Variants in PAK1 observed in about 807,000 individuals in gnomAD.
PAK1 encodes p21 (RAC1) activated kinase 1.
Under a neutral mutation model 67.4 loss-of-function variants are expected in PAK1, and 29 were observed. That is an observed-to-expected ratio of 0.43 (90% CI 0.32 to 0.59). PAK1 has a LOEUF of 0.59. PAK1 is among the 20% of genes least tolerant of loss of function. PAK1 has a pLI of 0.07. For missense variants in PAK1, 337 were observed against 670.7 expected (o/e 0.50, Z 5.50); for synonymous variants, 223 against 237.4 (o/e 0.94, Z 0.56).
chr11:77,401,103 C>G (rs549264412), intron 1 of PAK1, among the ~76,000 whole-genome samples: 1 of 152,308 alleles, frequency 6.6e-6, no homozygotes, highest in East Asian at 1.9e-4. Flanking sequence ...ACTAATCACA[C>G]TTTTTAGTCC....
intron 1 of PAK1, among the ~76,000 whole-genome samples, chr11:77,457,993 G>C: frequency 6.6e-6 from 1 of 152,124 alleles, no homozygotes; most frequent in Non-Finnish European, 1.5e-5. Flanking sequence ...ACCAGACTCT[G>C]AGGTAGCCAT....
chr11:77,401,932 G>A (rs1407155511), intron 1 of PAK1, among the ~76,000 whole-genome samples: 1 of 152,092 alleles, frequency 6.6e-6, no homozygotes, highest in Non-Finnish European at 1.5e-5. Flanking sequence ...ATATCCCTAG[G>A]CTGAGCTGGT....
chr11:77,471,787 T>C (rs1344598749), intron 1 of PAK1, among the ~76,000 whole-genome samples: 1 of 152,228 alleles, frequency 6.6e-6, no homozygotes, highest in Non-Finnish European at 1.5e-5. Flanking sequence ...AGTACCTTCC[T>C]TTGAGGCACT....
intron 1 of PAK1, among the ~76,000 whole-genome samples, chr11:77,393,285 A>AGAG (rs1555163795): frequency 3.5e-5 from 5 of 141,830 alleles, no homozygotes; most frequent in Non-Finnish European, 6.1e-5. Flanking sequence ...TAAAAAAAAA[A>AGAG]AGAGAGAGAG....
chr11:77,346,128 C>T (rs763523891), intron 9 of PAK1, among the ~76,000 whole-genome samples: 10 of 152,154 alleles, frequency 6.6e-5, no homozygotes, highest in South Asian at 2.1e-4. Context: ...CATCTGCCAT[C>T]GCACCCAGCT....
intron 1 of PAK1, among the ~76,000 whole-genome samples, chr11:77,422,154 T>C (rs1429604031): frequency 1.3e-5 from 2 of 152,304 alleles, no homozygotes; most frequent in Non-Finnish European, 2.9e-5. Flanking sequence ...ATCTCCTCAT[T>C]TGCTACTATA....
At chr11:77,438,540 T>C (rs1299326454) in intron 1 of PAK1, among the ~76,000 whole-genome samples, 1 of 152,226 alleles carries the variant, frequency 6.6e-6, no homozygotes, top group Non-Finnish European at 1.5e-5. Context: ...AAGAACAACT[T>C]GATATTTTTA....
chr11:77,419,263 C>G (rs1955130420), intron 1 of PAK1, among the ~76,000 whole-genome samples: 1 of 152,188 alleles, frequency 6.6e-6, no homozygotes, highest in South Asian at 2.1e-4. Flanking sequence ...AAATTAAATC[C>G]TGGAGATCTC....
intron 1 of PAK1, among the ~76,000 whole-genome samples, chr11:77,439,022 T>C (rs1956245748): frequency 6.6e-6 from 1 of 152,214 alleles, no homozygotes; most frequent in Non-Finnish European, 1.5e-5. Flanking sequence ...TGGTCCGATA[T>C]ACATCATTTC....
At chr11:77,342,697 CTTCT>C (rs1377474629) in intron 10 of PAK1, among the ~76,000 whole-genome samples, 1 of 152,120 alleles carries the variant, frequency 6.6e-6, no homozygotes, top group African/African-American at 2.4e-5. Flanking sequence ...CAACTCTTTT[CTTCT>C]TTAAGGAAAC....
intron 1 of PAK1, among the ~76,000 whole-genome samples, chr11:77,449,338 A>G (rs1956754622): frequency 6.6e-6 from 1 of 152,242 alleles, no homozygotes; most frequent in Admixed American, 6.5e-5. Context: ...GCTTAAAGAG[A>G]AAAGGGCAAT....
chr11:77,326,928 C>T (rs1351651933), intron 14 of PAK1, among the ~76,000 whole-genome samples: 1 of 152,058 alleles, frequency 6.6e-6, no homozygotes, highest in African/African-American at 2.4e-5. Flanking sequence ...TCAATGCAGA[C>T]AAGTCCTTAA....
At chr11:77,527,986 A>G in the PAK1 span, among the ~76,000 whole-genome samples, 1 of 151,944 alleles carries the variant, frequency 6.6e-6, no homozygotes, top group African/African-American at 2.4e-5. Context: ...AGTAGCTGGG[A>G]CTACAGGCGA....
intron 8 of PAK1, among the ~76,000 whole-genome samples, chr11:77,351,043 T>C (rs1012357931): frequency 1.3e-5 from 2 of 152,174 alleles, no homozygotes; most frequent in Non-Finnish European, 1.5e-5. Flanking sequence ...AATAGACATA[T>C]AATTAGACAT....
At chr11:77,454,160 C>G (rs1056610175) in intron 1 of PAK1, among the ~76,000 whole-genome samples, 6 of 152,190 alleles carry the variant, frequency 3.9e-5, no homozygotes, top group African/African-American at 1.2e-4. Context: ...TGCTAAATTA[C>G]GTACTAGGCA....
the PAK1 span, among the ~76,000 whole-genome samples, chr11:77,506,223 T>A: frequency 4.6e-5 from 7 of 152,210 alleles, no homozygotes; most frequent in Non-Finnish European, 1.0e-4. Context: ...GCTCTTCTTG[T>A]ACATAGACGG....
chr11:77,462,289 C>CCACT (rs1408825379), intron 1 of PAK1, among the ~76,000 whole-genome samples: 1 of 151,422 alleles, frequency 6.6e-6, no homozygotes, highest in African/African-American at 2.4e-5. Flanking sequence ...CGAGATTGCT[C>CCACT]CACTGCACTC....
upstream of PAK1, chr11:77,475,270 TCTC>T (rs1472335279): frequency 1.3e-5 from 2 of 152,108 alleles, no homozygotes; most frequent in African/African-American, 2.4e-5. Flanking sequence ...TCTTGTAGCT[TCTC>T]CTAAATATTT....
chr11:77,510,538 A>G, the PAK1 span, among the ~76,000 whole-genome samples: 1 of 152,158 alleles, frequency 6.6e-6, no homozygotes, highest in Admixed American at 6.6e-5. Context: ...GCACCTGGCC[A>G]GCTGTTTACT....
Sources: gnomAD v4.1 joint callset for allele counts (sites outside exome capture counted in the v4.1 genomes callset) on GRCh38, gnomAD v4.1.1 for gene constraint, MANE v1.5 for transcripts, NCBI Gene and HGNC (gene_info 2026-07-23, HGNC 2026-07-21) for gene names.